The following HDAC4 variants were observed in gnomAD, a reference collection of about 807,000 sequenced individuals.
HDAC4 encodes histone deacetylase A.
In HDAC4, 16 loss-of-function variants were observed where a neutral mutation model predicts 135.1. The ratio of observed to expected loss-of-function variants is 0.12; its 90% CI spans 0.08 to 0.18. HDAC4 has a LOEUF of 0.18. Among genes scored for constraint, HDAC4 ranks in the 10% least tolerant of loss-of-function variants. HDAC4 has a pLI of 1.00. For synonymous variants in HDAC4, 685 were observed against 653.4 expected (o/e 1.05, Z -0.74); for missense variants, 1,143 against 1,511.8 (o/e 0.76, Z 4.05).
At chr2:239,336,230 TGA>T (rs1691930100) in intron 2 of HDAC4, among the ~76,000 whole-genome samples, 2 of 152,322 alleles carry the variant, frequency 1.3e-5, no homozygotes, top group East Asian at 3.9e-4. Flanking sequence ...GTACAGTAAC[TGA>T]GAGAGGACAT....
chr2:239,084,462 C>CGT (rs1174649141), intron 19 of HDAC4, among the ~76,000 whole-genome samples: 3 of 147,344 alleles, frequency 2.0e-5, no homozygotes, highest in Non-Finnish European at 4.5e-5. Context: ...CACGCGTGCG[C>CGT]GCGCACACAC....
At chr2:239,090,226 G>A (rs879876768) in intron 17 of HDAC4, 110 bp from the exon 18 acceptor site, 12 of 769,478 alleles carry the variant, frequency 1.6e-5, no homozygotes, top group Non-Finnish European at 2.6e-5. Context: ...TGAAACCCCA[G>A]GGCCTACCAG....
chr2:239,312,674 T>C (rs955348541), intron 2 of HDAC4, among the ~76,000 whole-genome samples: 1 of 152,132 alleles, frequency 6.6e-6, no homozygotes, highest in African/African-American at 2.4e-5. Context: ...TGGAACAAGG[T>C]CTGTGGCGTT....
intron 16 of HDAC4, among the ~76,000 whole-genome samples, chr2:239,095,828 T>C (rs1354812331): frequency 6.6e-6 from 1 of 152,156 alleles, no homozygotes; most frequent in Non-Finnish European, 1.5e-5. Context: ...AGACCCCCAC[T>C]AACCAGGGGC....
intron 22 of HDAC4, among the ~76,000 whole-genome samples, chr2:239,077,204 G>A (rs937573403): frequency 1.3e-5 from 2 of 152,260 alleles, no homozygotes; most frequent in African/African-American, 2.4e-5. Flanking sequence ...TAGAGCCCCT[G>A]CCATCAGGGC....
chr2:239,111,053 G>A (rs1232663897), intron 14 of HDAC4, among the ~76,000 whole-genome samples: 6 of 152,252 alleles, frequency 3.9e-5, no homozygotes, highest in East Asian at 1.9e-4. Flanking sequence ...CTCCCACAGC[G>A]TGTCCCAGGG....
intron 2 of HDAC4, among the ~76,000 whole-genome samples, chr2:239,301,769 C>T (rs1484609939): frequency 2.6e-5 from 4 of 152,138 alleles, no homozygotes; most frequent in African/African-American, 4.8e-5. Context: ...CAAGTGAGAG[C>T]CACTGTAGGC....
At chr2:239,126,385 T>C in intron 12 of HDAC4, 71 bp downstream of exon 12, 1 of 1,609,546 alleles carries the variant, frequency 6.2e-7, no homozygotes. Context: ...GGGCCAGTGC[T>C]GAAGCCTGAG....
At chr2:239,377,548 G>A (rs941980144) in intron 1 of HDAC4, among the ~76,000 whole-genome samples, 5 of 152,228 alleles carry the variant, frequency 3.3e-5, no homozygotes, top group East Asian at 1.9e-4. Flanking sequence ...GAGGGAGCAC[G>A]AGATTCTCCT....
intron 17 of HDAC4, chr2:239,094,088 T>C (rs1053025): frequency 0.53 from 523,665 of 985,230 alleles, 139,985 homozygotes; most frequent in Admixed American, 0.59. Flanking sequence ...ACACACACAC[T>C]GCACCGTTTC....
intron 2 of HDAC4, among the ~76,000 whole-genome samples, chr2:239,281,572 ATG>A (rs1177346609): frequency 6.8e-6 from 1 of 147,800 alleles, no homozygotes; most frequent in Non-Finnish European, 1.5e-5. Context: ...CCACTCTACA[ATG>A]TACACACCAC....
At chr2:239,287,720 G>A (rs74000590) in intron 2 of HDAC4, among the ~76,000 whole-genome samples, 1,551 of 152,272 alleles carry the variant, frequency 0.01, 29 homozygotes, top group African/African-American at 0.036. Context: ...CACAAAGCCA[G>A]AGTGACTCAA....
At chr2:239,340,110 T>C (rs999908833) in intron 2 of HDAC4, among the ~76,000 whole-genome samples, 3 of 152,138 alleles carry the variant, frequency 2.0e-5, no homozygotes, top group African/African-American at 7.2e-5. Flanking sequence ...CCTGCAGCAG[T>C]TGGGGCATGG....
At chr2:239,202,460 G>T (rs2045813667) in intron 3 of HDAC4, among the ~76,000 whole-genome samples, 1 of 152,318 alleles carries the variant, frequency 6.6e-6, no homozygotes, top group East Asian at 1.9e-4. Flanking sequence ...ACCCAGCGGG[G>T]TGACTCTGGA....
chr2:239,061,955 G>A (rs139613052), intron 24 of HDAC4, among the ~76,000 whole-genome samples: 4 of 152,194 alleles, frequency 2.6e-5, no homozygotes, highest in African/African-American at 7.2e-5. Context: ...CAGGAGAGAC[G>A]GTCCTTTCCT....
chr2:239,366,441 C>G (rs10206855), intron 1 of HDAC4, among the ~76,000 whole-genome samples: 11,150 of 152,256 alleles, frequency 0.073, 906 homozygotes, highest in African/African-American at 0.2. Context: ...AGCACTGAGG[C>G]CCTTTTGCAG....
In HDAC4 at chr2:239,330,949, CT is replaced by C. The variant is rs564832877; in HGVS notation, c.22+21728del. On this transcript the variant is annotated intron_variant, in intron 2 of 26. Coordinates refer to ENST00000543185, the MANE Select transcript of HDAC4 (RefSeq NM_001378414.1). ...AGGCCACTGAAGAGGACAGGCTGTG[CT>C]GCCACCCCAGCCCCACATGCCACGC... 3.3e-4 allele frequency among the ~76,000 whole-genome samples: 50 copies of C among 152,366 alleles called. No individual in the cohort carries two copies. The South Asian group carries it at 4.6e-3, about 14-fold the overall frequency.
At chr2:239,322,570 T>C (rs2053350012) in intron 2 of HDAC4, among the ~76,000 whole-genome samples, 1 of 152,248 alleles carries the variant, frequency 6.6e-6, no homozygotes, top group African/African-American at 2.4e-5. Context: ...ACTGTTTGAC[T>C]TTCCCACTGG....
chr2:239,395,737 A>G (rs988137999), intron 1 of HDAC4, among the ~76,000 whole-genome samples: 2 of 152,094 alleles, frequency 1.3e-5, no homozygotes, highest in African/African-American at 4.8e-5. Flanking sequence ...CTGTCTACAC[A>G]TGGAGGATGC....
Sources: gnomAD v4.1 joint callset for allele counts (sites outside exome capture counted in the v4.1 genomes callset) on GRCh38, gnomAD v4.1.1 for gene constraint, MANE v1.5 for transcripts, NCBI Gene and HGNC (gene_info 2026-07-23, HGNC 2026-07-21) for gene names.